The following THBS2 variants were observed in gnomAD, a reference collection of about 807,000 sequenced individuals.
THBS2 encodes the protein thrombospondin 2.
THBS2 carries 47 observed loss-of-function variants against 135.2 expected under a neutral mutation model. The ratio of observed to expected loss-of-function variants is 0.35; its 90% CI spans 0.28 to 0.44. THBS2 has a LOEUF of 0.44. Ranked by LOEUF, THBS2 falls within the 20% of genes least tolerant of loss-of-function variation. The probability of loss-of-function intolerance (pLI) is 1.00; values close to 1 mark genes in which losing one functional copy is unlikely to be tolerated. For synonymous variants in THBS2, 639 were observed against 633.8 expected, an observed-to-expected ratio of 1.01 and a Z score of -0.12; for missense variants, 1,288 against 1,603.1, an observed-to-expected ratio of 0.80 and a Z score of 3.36.
chr6:169,239,442 G>A (rs894435586), intron 7 of THBS2, 157 bp downstream of exon 7: 2 of 667,070 alleles, frequency 3.0e-6, no homozygotes, highest in Non-Finnish European at 5.1e-6. Flanking sequence ...GTCCTCAGTG[G>A]ATGACCAGTG....
At chr6:169,236,645 GCCATCCACACTCACTC>G (rs1234745427) in intron 9 of THBS2, among the ~76,000 whole-genome samples, 2 of 50,452 alleles carry the variant, frequency 4.0e-5, no homozygotes, top group Non-Finnish European at 7.7e-5. Context: ...ATCCACACTC[GCCATCCACACTCACTC>G]CCATCCACAC....
chr6:169,244,566 A>G (rs1368944156), intron 4 of THBS2, among the ~76,000 whole-genome samples: 10 of 149,290 alleles, frequency 6.7e-5, no homozygotes, highest in Non-Finnish European at 1.3e-4. Flanking sequence ...TATAAAAACA[A>G]TATTTTTCTA....
chr6:169,226,112 A>G (rs1387787323), intron 16 of THBS2, 68 bp downstream of exon 16: 1 of 1,483,618 alleles, frequency 6.7e-7, no homozygotes, highest in South Asian at 1.2e-5. Context: ...GTGATCCCCC[A>G]CACCGCCACC....
At chr6:169,246,105 A>T in intron 4 of THBS2, 92 bp downstream of exon 4, 2 of 1,059,082 alleles carry the variant, frequency 1.9e-6, no homozygotes, top group Non-Finnish European at 2.8e-6. Flanking sequence ...ACAAGCATGA[A>T]TGCACACACA....
intron 7 of THBS2, among the ~76,000 whole-genome samples, chr6:169,238,035 T>C (rs1271669352): frequency 6.6e-6 from 1 of 152,186 alleles, no homozygotes; most frequent in African/African-American, 2.4e-5. Context: ...AAAAACGCCT[T>C]TCTGGGTCTA....
rs79533431 is a variant in THBS2 at position 169,252,757 on chromosome 6, C to T, written c.-23+967G>A. On this transcript the variant is annotated intron_variant, in intron 1 of 21. Transcript: ENST00000617924. The surrounding 1 kb of genome is among the most constrained non-coding windows in gnomAD (Gnocchi z 4.3). Reference sequence around the variant, plus strand: ...GCTCACCCCTGCCCCAGCCTCTGCACGCCACACATCCACGTTTATGCTTGT... The same window carrying T: ...GCTCACCCCTGCCCCAGCCTCTGCATGCCACACATCCACGTTTATGCTTGT... Among the ~76,000 whole-genome samples, 1,927 of 152,286 alleles carry T rather than the reference C, an allele frequency of 0.013. 27 individuals are homozygous for T. The highest frequency in any genetic ancestry group is 0.038 in the African/African-American group (1,581 of 41,558).
Position 169,228,424 on chromosome 6 carries a change from G to A in THBS2, c.2260-143C>T, listed in dbSNP as rs78107782. The A allele has an allele frequency of 4.1e-4, 423 of 1,033,318 alleles. 1 individual carries two copies. Among genetic ancestry groups the A allele is most frequent in the South Asian group, 5.6e-4 (35 of 62,142 alleles). The allele number at this position is 1,033,318 out of a possible 1,614,324, so 64.0% of individuals were successfully genotyped here. On this transcript the variant is annotated intron_variant, in intron 14 of 21. Transcript: ENST00000617924. Reference sequence around the variant, plus strand: ...ACACAAAAGCCAGTTAGGGCTGGACGGTGGCTCACACCTTTAATCACAGCT... The same window carrying A: ...ACACAAAAGCCAGTTAGGGCTGGACAGTGGCTCACACCTTTAATCACAGCT...
chr6:169,243,911 A>G (rs1486841406), intron 4 of THBS2, among the ~76,000 whole-genome samples: 1 of 152,212 alleles, frequency 6.6e-6, no homozygotes, highest in Non-Finnish European at 1.5e-5. Context: ...ACAGTGGAAA[A>G]GGGGATGTCA....
chr6:169,243,238 T>C (rs1452589233), intron 4 of THBS2, among the ~76,000 whole-genome samples: 1 of 151,804 alleles, frequency 6.6e-6, no homozygotes, highest in African/African-American at 2.4e-5. Context: ...CCACTCCCTC[T>C]GAAGCCCTAG....
intron 4 of THBS2, 101 bp from the exon 5 acceptor site, chr6:169,242,059 G>T: frequency 7.4e-7 from 1 of 1,353,034 alleles, no homozygotes. Flanking sequence ...TCCCGGAGCG[G>T]CCTGGTGCTG....
chr6:169,251,450 T>A (rs912015194), intron 1 of THBS2, among the ~76,000 whole-genome samples: 4 of 152,188 alleles, frequency 2.6e-5, no homozygotes, highest in African/African-American at 9.6e-5. Context: ...TTGGGGATTT[T>A]AAGTTGGCAC....
At chr6:169,240,418 C>T (rs1466691828) in intron 6 of THBS2, 34 bp downstream of exon 6, 5 of 1,607,468 alleles carry the variant, frequency 3.1e-6, no homozygotes, top group Non-Finnish European at 2.5e-6. Flanking sequence ...CGATGGTGGC[C>T]TCTTCCCCCA....
chr6:169,247,514 A>G (rs73046021), intron 3 of THBS2, among the ~76,000 whole-genome samples: 30,736 of 146,182 alleles, frequency 0.21, 3,441 homozygotes, highest in Middle Eastern at 0.27. Flanking sequence ...TATGATGTTC[A>G]TGTGTTTATG....
Position 169,242,257 on chromosome 6 carries a change from G to A in THBS2, c.695-299C>T, listed in dbSNP as rs9766513. Among the ~76,000 whole-genome samples, 926 of 152,170 alleles carry A rather than the reference G, an allele frequency of 6.1e-3. 14 individuals are homozygous for A. Among genetic ancestry groups the A allele is most frequent in the African/African-American group, 0.021 (885 of 41,502 alleles). On this transcript the variant is annotated intron_variant, in intron 4 of 21. Coordinates refer to ENST00000617924, the MANE Select transcript of THBS2 (RefSeq NM_003247.5). ...GAGCAGAAATTAGCTCAGGAGTGGG[G>A]AGACGCATCAGCATAGGAGAGGCCT...
intron 2 of THBS2, 96 bp from the exon 3 acceptor site, chr6:169,249,069 A>C (rs1780668920): frequency 8.4e-7 from 1 of 1,195,550 alleles, no homozygotes; most frequent in Non-Finnish European, 1.2e-6. Context: ...CGTGTAAGGA[A>C]ATTAACGAGG....
intron 13 of THBS2, among the ~76,000 whole-genome samples, chr6:169,231,579 G>A (rs995535602): frequency 6.6e-6 from 1 of 152,184 alleles, no homozygotes; most frequent in Non-Finnish European, 1.5e-5. Flanking sequence ...TGGGCTTTGG[G>A]AAGAAAACCA....
rs562233108 is a variant in THBS2 at position 169,215,939 on chromosome 6, T to G, written c.*1883A>C. 1 of 152,694 alleles carries G rather than the reference T, an allele frequency of 6.5e-6. No homozygotes were observed. Among genetic ancestry groups the G allele is most frequent in the Admixed American group, 6.5e-5 (1 of 15,300 alleles). 9.5% of individuals were successfully genotyped at this position (152,694 alleles called of 1,614,324 possible). ...CAAAACACATGACGTTTCATCAACC[T>G]ATACGATAAATTTGTTTAGAAAAAC... On this transcript the variant is annotated 3_prime_UTR_variant, in exon 22 of 22. Transcript: ENST00000617924.
rs1324745207 is a variant in THBS2 at position 169,252,132 on chromosome 6, G to A, written c.-22-1326C>T. 2 of 152,190 alleles carry A rather than the reference G, an allele frequency of 1.3e-5. No individual in the cohort carries two copies. The highest frequency in any genetic ancestry group is 2.9e-5 in the Non-Finnish European group (2 of 68,048). The allele number at this position is 152,190 out of a possible 1,614,324, so 9.4% of individuals were successfully genotyped here. The stretch of plus-strand genomic sequence containing the variant: ...ACTTAGCCCAGCGAGCCACAGGCAT[G>A]GGTTACCGGAGCAGAATGTGCCTCT... On this transcript the variant is annotated intron_variant, in intron 1 of 21. Transcript: ENST00000617924. The surrounding 1 kb of genome is among the most constrained non-coding windows in gnomAD (Gnocchi z 4.3).
chr6:169,219,889 G>T, intron 21 of THBS2: 1 of 569,006 alleles, frequency 1.8e-6, no homozygotes, highest in South Asian at 1.5e-5. Flanking sequence ...AATCTAAAAT[G>T]GCGTCAGGAG....
Sources: allele counts gnomAD v4.1 joint callset (sites outside exome capture counted in the v4.1 genomes callset), GRCh38; gene constraint gnomAD v4.1.1; non-coding constraint Gnocchi (gnomAD v3.1); transcripts MANE v1.5; gene names NCBI Gene and HGNC (gene_info 2026-07-23, HGNC 2026-07-21).